Variants in ATP6V0A2 observed in about 807,000 individuals in gnomAD.
ATP6V0A2 encodes the protein ATPase H+ transporting V0 subunit a2, also known as V-type proton ATPase 116 kDa subunit a 2.
A neutral mutation model predicts 104.4 loss-of-function variants in ATP6V0A2; 58 were observed. The observed-to-expected ratio is 0.56, with a 90% confidence interval of 0.45 to 0.69. The LOEUF (loss-of-function observed/expected upper bound fraction) is 0.69. ATP6V0A2 is among the 30% of genes least tolerant of loss of function. The probability of loss-of-function intolerance (pLI) is 0.00; values close to 1 mark genes in which losing one functional copy is unlikely to be tolerated. For missense variants in ATP6V0A2, 938 were observed against 1,062.9 expected (o/e 0.88, Z 1.63); for synonymous variants, 376 against 397.9 (o/e 0.95, Z 0.65).
intron 14 of ATP6V0A2, 55 bp from the exon 15 acceptor site, chr12:123,748,519 CT>C: frequency 7.4e-7 from 1 of 1,347,824 alleles, no homozygotes; most frequent in Non-Finnish European, 1.1e-6. Context: ...TTAATTTACT[CT>C]TTTTAACTTA....
At chr12:123,749,204 G>A (rs570464908) in intron 15 of ATP6V0A2, among the ~76,000 whole-genome samples, 70 of 152,242 alleles carry the variant, frequency 4.6e-4, no homozygotes, top group African/African-American at 1.7e-3. Flanking sequence ...CAGGAGGATC[G>A]CTTGAGCCCA....
At position 123,744,724 on chromosome 12, in the gene ATP6V0A2, T is replaced by C; in HGVS notation, c.1454T>C (p.Val485Ala). The change falls in exon 12 of 20, where the codon GTG becomes GCG. Residue 485 changes from valine (V) to alanine (A), a missense_variant. Transcript: ENST00000330342. The surrounding 1 kb of genome is among the most constrained non-coding windows in gnomAD (Gnocchi z 5.4). ...AACCTGTTCGGCTCTGGGTGGAACG[T>C]GTCGGCCATGTACAGCTCCAGCCAC... ...SVNLFGSGWN[V>A]SAMYSSSHPP... 1.2e-6 allele frequency: 2 copies of C among 1,614,140 alleles called. No individual in the cohort carries two copies. The highest frequency in any genetic ancestry group is 1.7e-6 in the Non-Finnish European group (2 of 1,180,018).
In ATP6V0A2 at chr12:123,754,406, G is replaced by A. The variant is rs375306606; in HGVS notation, c.2176-14G>A. On this transcript the variant is annotated splice_polypyrimidine_tract_variant and intron_variant, in intron 17 of 19. Coordinates refer to ENST00000330342, the MANE Select transcript of ATP6V0A2 (RefSeq NM_012463.4). ...CATCATGACTCTTAACATATGTTGT[G>A]TGATCTCTCTCAGTTTAATTTTGGA... 7.1e-6 allele frequency: 11 copies of A among 1,559,602 alleles called. No homozygotes were observed. The African/African-American group carries it at 9.5e-5, about 13-fold the overall frequency.
intron 18 of ATP6V0A2, among the ~76,000 whole-genome samples, chr12:123,755,854 G>A (rs535542767): frequency 4.5e-4 from 68 of 151,900 alleles, no homozygotes; most frequent in South Asian, 2.5e-3. Flanking sequence ...AGGCCTAGGC[G>A]GGCGGATCAT....
chr12:123,726,294 CA>C lies in ATP6V0A2; in HGVS notation c.521+11del, dbSNP rs753839395. On this transcript the variant is annotated intron_variant, in intron 5 of 19. Coordinates refer to ENST00000330342, the MANE Select transcript of ATP6V0A2 (RefSeq NM_012463.4). ...CTGGGAGCAAAACTGGGGTAGGTGA[CA>C]AGGCCTGGGGTGTCAGGCTTCATAC... is the stretch of plus-strand genomic sequence containing the variant. 8.7e-6 allele frequency: 14 copies of C among 1,608,218 alleles called. No individual in the cohort carries two copies. The highest frequency in any genetic ancestry group is 1.1e-5 in the Non-Finnish European group (13 of 1,174,674).
intron 15 of ATP6V0A2, among the ~76,000 whole-genome samples, chr12:123,749,836 G>A (rs1162690424): frequency 1.3e-5 from 2 of 152,168 alleles, no homozygotes; most frequent in Non-Finnish European, 2.9e-5. Flanking sequence ...CCTGAGCCGT[G>A]TTTTGGTTTT....
chr12:123,720,566 T>C (rs1320667311), intron 2 of ATP6V0A2, among the ~76,000 whole-genome samples: 3 of 152,130 alleles, frequency 2.0e-5, no homozygotes, highest in Non-Finnish European at 4.4e-5. Context: ...TGGTGACATG[T>C]GCCTGTAGTC....
intron 9 of ATP6V0A2, chr12:123,737,628 CT>C (rs988129466): frequency 6.4e-6 from 2 of 314,912 alleles, no homozygotes; most frequent in South Asian, 5.8e-5. Context: ...TTAAATTGCT[CT>C]TTTGAGTAAT....
intron 7 of ATP6V0A2, among the ~76,000 whole-genome samples, chr12:123,735,312 T>TCA (rs1956541622): frequency 6.6e-6 from 1 of 152,114 alleles, no homozygotes; most frequent in South Asian, 2.1e-4. Flanking sequence ...AGGAGTGGAA[T>TCA]TTGGATCCCA....
At chr12:123,742,454 C>G (rs900710631) in intron 9 of ATP6V0A2, among the ~76,000 whole-genome samples, 1 of 152,192 alleles carries the variant, frequency 6.6e-6, no homozygotes, top group African/African-American at 2.4e-5. Flanking sequence ...GCTGGTTGCA[C>G]TTTCTGTTCT....
chr12:123,737,881 T>G (rs954713433), intron 9 of ATP6V0A2, among the ~76,000 whole-genome samples: 3 of 152,244 alleles, frequency 2.0e-5, no homozygotes, highest in African/African-American at 7.2e-5. Context: ...TTAATAAAAC[T>G]TCTCTATTTT....
rs1160037326 is a variant in ATP6V0A2, at chr12:123,761,528, GAAA to G, written c.*3497_*3499del. 6.6e-6 allele frequency: 1 copy of G among 152,132 alleles called. No homozygotes were observed. Among genetic ancestry groups the G allele is most frequent in the Non-Finnish European group, 1.5e-5 (1 of 68,018 alleles). 9.4% of individuals were successfully genotyped at this position (152,132 alleles called of 1,614,324 possible). ...TTGCTGATTTGGTTTAGAATTTTCAGAAATACTTAGTACACTCCACCTGTTCTT... is the reference window on the plus strand; with the variant it reads ...TTGCTGATTTGGTTTAGAATTTTCAGTACTTAGTACACTCCACCTGTTCTT... On this transcript the variant is annotated 3_prime_UTR_variant, in exon 20 of 20. Coordinates refer to ENST00000330342, the MANE Select transcript of ATP6V0A2 (RefSeq NM_012463.4).
rs1422323511 is a variant in ATP6V0A2 at position 123,712,688 on chromosome 12, TG to T, written c.117+7del. On this transcript the variant is annotated splice_region_variant and intron_variant, in intron 1 of 19. Coordinates refer to ENST00000330342, the MANE Select transcript of ATP6V0A2 (RefSeq NM_012463.4). ...GCCTGGTCCAGTTCCGAGACGTGAG[TG>T]TCGCCCGGGAGACGCGGGCCGCACC... The T allele has an allele frequency of 6.8e-6, 11 of 1,607,274 alleles. No homozygotes were observed. Among genetic ancestry groups the T allele is most frequent in the Non-Finnish European group, 9.3e-6 (11 of 1,177,028 alleles).
At chr12:123,729,333 TGAGTGCAAATC>T (rs1956478945) in intron 6 of ATP6V0A2, among the ~76,000 whole-genome samples, 2 of 150,656 alleles carry the variant, frequency 1.3e-5, no homozygotes. Context: ...TTTTTTTTTT[TGAGTGCAAATC>T]TTGGTATTTT....
At chr12:123,719,545 C>G (rs542825391) in intron 2 of ATP6V0A2, among the ~76,000 whole-genome samples, 1 of 152,178 alleles carries the variant, frequency 6.6e-6, no homozygotes, top group South Asian at 2.1e-4. Context: ...TGCCACCACA[C>G]CTGGCTAATT....
chr12:123,734,706 C>A (rs1251552928), intron 7 of ATP6V0A2, among the ~76,000 whole-genome samples: 4 of 152,322 alleles, frequency 2.6e-5, no homozygotes, highest in African/African-American at 4.8e-5. Context: ...TTCTTCCCCC[C>A]ATGGACAACT....
chr12:123,712,414 C>T lies in ATP6V0A2; in HGVS notation c.-152C>T. The T allele has an allele frequency of 2.5e-6, 1 of 396,962 alleles. No individual in the cohort carries two copies. Among genetic ancestry groups the T allele is most frequent in the Non-Finnish European group, 4.3e-6 (1 of 231,438 alleles). The allele number at this position is 396,962 out of a possible 1,614,324, so 24.6% of individuals were successfully genotyped here. On this transcript the variant is annotated 5_prime_UTR_variant, in exon 1 of 20. Coordinates refer to ENST00000330342, the MANE Select transcript of ATP6V0A2 (RefSeq NM_012463.4). ...GCGGCCGCGGTGGCAGAACCGGGGG[C>T]GGCCGCTGCAGTCTGGAGCCCCATA...
At chr12:123,734,034 A>T in intron 7 of ATP6V0A2, 26 bp downstream of exon 7, 1 of 1,569,146 alleles carries the variant, frequency 6.4e-7, no homozygotes, top group Non-Finnish European at 8.8e-7. Context: ...ATTTCATTTC[A>T]TTTATGTCTT....
Position 123,727,879 on chromosome 12 carries a change from A to T in ATP6V0A2, c.618A>T (p.Glu206Asp). Reference sequence around the variant, plus strand: ...GGTACACCATCGTGTCCTATGCAGAACTGGATGAATCCCTTGAAGACCCTG... The same window carrying T: ...GGTACACCATCGTGTCCTATGCAGATCTGGATGAATCCCTTGAAGACCCTG... ...CKGYTIVSYA[E>D]LDESLEDPET... The change falls in exon 6 of 20, where the codon GAA (glutamate) becomes GAT (aspartate). Residue 206 changes from glutamate to aspartate, a missense_variant. Transcript: ENST00000330342. The T allele has an allele frequency of 1.2e-6, 2 of 1,614,240 alleles. No individual in the cohort carries two copies. The highest frequency in any genetic ancestry group is 8.5e-7 in the Non-Finnish European group (1 of 1,180,032).
Sources: allele counts gnomAD v4.1 joint callset (sites outside exome capture counted in the v4.1 genomes callset), GRCh38; gene constraint gnomAD v4.1.1; non-coding constraint Gnocchi (gnomAD v3.1); transcripts MANE v1.5; gene names NCBI Gene and HGNC (gene_info 2026-07-23, HGNC 2026-07-21).